NRG1: variants seen among roughly 807,000 people sequenced by gnomAD.
NRG1 encodes pro-neuregulin-1, membrane-bound isoform.
NRG1 carries 18 observed loss-of-function variants against 63.8 expected under a neutral mutation model. The observed-to-expected ratio is 0.28, with a 90% CI of 0.19 to 0.42. NRG1 has a LOEUF of 0.42. NRG1 is among the 10% of genes least tolerant of loss of function. The pLI is 1.00. For synonymous variants in NRG1, 302 were observed against 301.3 expected (o/e 1.00, Z -0.02); for missense variants, 762 against 814.7 (o/e 0.94, Z 0.79).
chr8:32,358,351 G>A (rs7824252), intron 1 of NRG1, among the ~76,000 whole-genome samples: 4 of 113,980 alleles, frequency 3.5e-5, no homozygotes, highest in South Asian at 3.0e-4. Context: ...AAGATCAACC[G>A]ATAGAATGCC....
At chr8:31,725,059 G>A (rs1813290282) in intron 1 of NRG1, among the ~76,000 whole-genome samples, 1 of 152,090 alleles carries the variant, frequency 6.6e-6, no homozygotes, top group Non-Finnish European at 1.5e-5. Flanking sequence ...TTCACCTATT[G>A]TGAAATGTTA....
chr8:32,499,488 AC>A (rs1292896723), intron 1 of NRG1, among the ~76,000 whole-genome samples: 1 of 151,838 alleles, frequency 6.6e-6, no homozygotes, highest in East Asian at 1.9e-4. Flanking sequence ...TTCAAGATAA[AC>A]CCGGGCAACA....
Position 32,647,913 on chromosome 8 carries a change from C to A in NRG1, c.502+31028C>A, listed in dbSNP as rs139105252. 1.5e-4 allele frequency: 241 copies of A among 1,614,120 alleles called. 1 individual carries two copies. The African/African-American group carries it at 2.8e-3, about 19-fold the overall frequency. On this transcript the variant is annotated intron_variant, in intron 5 of 11. Coordinates refer to ENST00000356819, the Ensembl canonical transcript of NRG1. Reference sequence around the variant, plus strand: ...CTGCTGTGCGTGCCTAGAAGCTGAGCGCCTGAGAGGTTGCCTCAACTCAGA... The same window carrying A: ...CTGCTGTGCGTGCCTAGAAGCTGAGAGCCTGAGAGGTTGCCTCAACTCAGA...
intron 1 of NRG1, among the ~76,000 whole-genome samples, chr8:32,334,971 C>G (rs1226608994): frequency 6.6e-6 from 1 of 152,098 alleles, no homozygotes; most frequent in African/African-American, 2.4e-5. Flanking sequence ...AAGTGTATTT[C>G]TCTTACAACA....
chr8:32,438,033 A>G (rs140106493), intron 1 of NRG1, among the ~76,000 whole-genome samples: 303 of 152,230 alleles, frequency 2.0e-3, no homozygotes, highest in African/African-American at 6.9e-3. Flanking sequence ...AATGCAAACA[A>G]TACTTTTTAC....
chr8:32,548,292 G>A lies in NRG1; in HGVS notation c.-435G>A. 1.0e-6 allele frequency: 1 copy of A among 988,646 alleles called. No individual in the cohort carries two copies. The highest frequency in any genetic ancestry group is 1.2e-6 in the Non-Finnish European group (1 of 832,238). The allele number at this position is 988,646 out of a possible 1,614,324, so 61.2% of individuals were successfully genotyped here. On this transcript the variant is annotated 5_prime_UTR_variant, in exon 1 of 12. Coordinates refer to ENST00000356819, the Ensembl canonical transcript of NRG1. ...GTGGCTGCGGGGCAATTGAAAAAGA[G>A]CCGGCGAGGAGTTCCCCGAAACTTG...
At chr8:32,339,095 G>A (rs759072952) in intron 1 of NRG1, among the ~76,000 whole-genome samples, 3 of 152,104 alleles carry the variant, frequency 2.0e-5, no homozygotes, top group Non-Finnish European at 4.4e-5. Context: ...TAGAGTCACG[G>A]TGGTTCACAG....
intron 1 of NRG1, among the ~76,000 whole-genome samples, chr8:31,892,902 T>C (rs1167031959): frequency 1.3e-5 from 2 of 152,020 alleles, no homozygotes; most frequent in Admixed American, 6.6e-5. Flanking sequence ...GAAAAATATA[T>C]ATAATTCATC....
At chr8:32,665,323 A>G (rs1803861043) in intron 5 of NRG1, among the ~76,000 whole-genome samples, 1 of 152,134 alleles carries the variant, frequency 6.6e-6, no homozygotes, top group African/African-American at 2.4e-5. Context: ...CAAGCTTTTA[A>G]TTGTACAATT....
intron 1 of NRG1, among the ~76,000 whole-genome samples, chr8:32,500,130 T>C (rs1273958805): frequency 6.6e-6 from 1 of 152,224 alleles, no homozygotes; most frequent in Non-Finnish European, 1.5e-5. Flanking sequence ...CTCATTAAAC[T>C]TGGCCAGATT....
chr8:32,515,410 G>C (rs1829717325), intron 1 of NRG1, among the ~76,000 whole-genome samples: 1 of 151,850 alleles, frequency 6.6e-6, no homozygotes, highest in African/African-American at 2.4e-5. Context: ...GTCTTCTTTT[G>C]AGAAGAAGTG....
chr8:32,006,066 A>C (rs1372009939), intron 1 of NRG1, among the ~76,000 whole-genome samples: 2 of 151,964 alleles, frequency 1.3e-5, no homozygotes, highest in African/African-American at 4.8e-5. Flanking sequence ...GGGAGTTTCG[A>C]GGCATTATTC....
At chr8:32,078,595 C>T (rs564477872) in intron 1 of NRG1, among the ~76,000 whole-genome samples, 15 of 152,168 alleles carry the variant, frequency 9.9e-5, no homozygotes, top group African/African-American at 3.1e-4. Flanking sequence ...AGACTCTGAC[C>T]GTGAGCTCTG....
At chr8:32,434,950 T>G (rs1818604537) in intron 1 of NRG1, among the ~76,000 whole-genome samples, 1 of 152,150 alleles carries the variant, frequency 6.6e-6, no homozygotes, top group Non-Finnish European at 1.5e-5. Context: ...GTCAGGGAGT[T>G]GAGCATCTGC....
At position 32,301,635 on chromosome 8, in the gene NRG1, A is replaced by T. The variant is rs142007825; in HGVS notation, c.38-294193A>T. Among the ~76,000 whole-genome samples, 423 of 152,286 alleles carry T rather than the reference A, an allele frequency of 2.8e-3. 1 individual carries two copies. The highest frequency in any genetic ancestry group is 9.3e-3 in the African/African-American group (388 of 41,552). On this transcript the variant is annotated intron_variant, in intron 1 of 10. Coordinates refer to the NRG1 transcript ENST00000519301. ...CTGGGGAGGCCTCACAATCATGGTG[A>T]AAGTCAAGGAGGAGCAAATCACATC...
intron 1 of NRG1, among the ~76,000 whole-genome samples, chr8:31,649,373 C>G (rs990953436): frequency 1.3e-5 from 2 of 152,188 alleles, no homozygotes; most frequent in Non-Finnish European, 2.9e-5. Flanking sequence ...CACATCCTCC[C>G]TCACACATGC....
chr8:32,376,754 CT>C (rs1809683233), intron 1 of NRG1, among the ~76,000 whole-genome samples: 1 of 152,166 alleles, frequency 6.6e-6, no homozygotes, highest in African/African-American at 2.4e-5. Context: ...GCTGCTGCAG[CT>C]TTTGATTCTG....
intron 1 of NRG1, among the ~76,000 whole-genome samples, chr8:32,268,282 C>T (rs1851197016): frequency 6.6e-6 from 1 of 152,170 alleles, no homozygotes. Context: ...ATAACTGAGT[C>T]AGGATTCCTA....
intron 1 of NRG1, among the ~76,000 whole-genome samples, chr8:32,528,964 A>C (rs1831165806): frequency 6.6e-6 from 1 of 152,246 alleles, no homozygotes; most frequent in Non-Finnish European, 1.5e-5. Flanking sequence ...TTTATAGAAT[A>C]GTCCAGAACA....
Sources: gnomAD v4.1 joint callset for allele counts (sites outside exome capture counted in the v4.1 genomes callset) on GRCh38, gnomAD v4.1.1 for gene constraint, MANE v1.5 for transcripts, NCBI Gene and HGNC (gene_info 2026-07-23, HGNC 2026-07-21) for gene names.